The following STRADA variants were observed in gnomAD, a reference collection of about 807,000 sequenced individuals.
STRADA encodes STE20 related adaptor alpha, also known as STE20-related kinase adapter protein alpha.
STRADA carries 26 observed loss-of-function variants against 55.0 expected under a neutral mutation model. That is an observed-to-expected ratio of 0.47 (90% CI 0.35 to 0.66). The LOEUF is 0.66. STRADA is among the 30% of genes least tolerant of loss of function. The pLI is 0.01. For missense variants in STRADA, 443 were observed against 549.7 expected, an observed-to-expected ratio of 0.81 and a Z score of 1.94; for synonymous variants, 197 against 210.9, an observed-to-expected ratio of 0.93 and a Z score of 0.57.
intron 11 of STRADA, 133 bp from the exon 12 acceptor site, chr17:63,704,180 C>A: frequency 6.6e-7 from 1 of 1,520,418 alleles, no homozygotes. Context: ...GGCCAGAGCT[C>A]CCCAGGCTGG....
intron 1 of STRADA, among the ~76,000 whole-genome samples, chr17:63,729,743 C>T (rs1177276470): frequency 1.3e-5 from 2 of 151,442 alleles, no homozygotes; most frequent in South Asian, 2.1e-4. Context: ...GAGCCAAGGT[C>T]GCGCCACTGC....
intron 3 of STRADA, chr17:63,723,997 C>T (rs1373779791): frequency 6.6e-6 from 1 of 152,092 alleles, no homozygotes; most frequent in East Asian, 1.9e-4. Context: ...ATAAAAATCA[C>T]CAAACTGAAG....
At chr17:63,728,813 A>C in intron 1 of STRADA, among the ~76,000 whole-genome samples, 1 of 149,688 alleles carries the variant, frequency 6.7e-6, no homozygotes. Context: ...AATCGTTTGA[A>C]CCCAGGAGAT....
intron 12 of STRADA, 43 bp downstream of exon 12, chr17:63,703,962 A>T: frequency 6.2e-7 from 1 of 1,600,978 alleles, no homozygotes; most frequent in South Asian, 1.1e-5. Flanking sequence ...GAGTTGTTAG[A>T]ACCAGAACTA....
At position 63,713,427 on chromosome 17, in the gene STRADA, A is replaced by G. The variant is rs202037965; in HGVS notation, c.327T>C (p.Asn109=). 6 of 1,607,322 alleles carry G rather than the reference A, an allele frequency of 3.7e-6. No homozygotes were observed. The highest frequency in any genetic ancestry group is 2.2e-5 in the East Asian group (1 of 44,748). Residue 109 remains asparagine, a synonymous_variant, in exon 6 of 13, where the codon AAT becomes AAC. Coordinates refer to ENST00000336174, the MANE Select transcript of STRADA (RefSeq NM_001003787.4). ...VRRINLEACS[N]EMVTFLQGEL... ...TTACCTGCAAGAATGTTACCATCTC[A>G]TTGGAACAAGCTTCTAGGTTAATCC...
chr17:63,738,795 T>C (rs1213806045), intron 1 of STRADA, among the ~76,000 whole-genome samples: 1 of 151,552 alleles, frequency 6.6e-6, no homozygotes. Context: ...ATTGTGCTAC[T>C]GCACTCCAGC....
Position 63,706,618 on chromosome 17 carries a change from A to G in STRADA, c.858+17T>C. The stretch of plus-strand genomic sequence containing the variant: ...AGGCAAGCAGGCAAGAAGGAAACCG[A>G]TGGGCGGCAGGCTTACCTGGGTGGC... On this transcript the variant is annotated intron_variant, in intron 10 of 12. Transcript: ENST00000336174. 1 of 1,601,654 alleles carries G rather than the reference A, an allele frequency of 6.2e-7. No homozygotes were observed. Among genetic ancestry groups the G allele is most frequent in the Non-Finnish European group, 8.5e-7 (1 of 1,170,868 alleles).
At chr17:63,708,608 C>T (rs2036276643) in intron 8 of STRADA, among the ~76,000 whole-genome samples, 1 of 152,250 alleles carries the variant, frequency 6.6e-6, no homozygotes, top group Admixed American at 6.5e-5. Flanking sequence ...GATCTCAGCT[C>T]ACTGCAGCCT....
intron 1 of STRADA, among the ~76,000 whole-genome samples, chr17:63,733,490 A>T (rs563304794): frequency 1.6e-4 from 24 of 152,232 alleles, no homozygotes; most frequent in Non-Finnish European, 3.2e-4. Flanking sequence ...ACAATCTTCA[A>T]CCCACTCCCA....
chr17:63,720,053 ACT>A (rs2037186286), intron 4 of STRADA, among the ~76,000 whole-genome samples: 1 of 150,192 alleles, frequency 6.7e-6, no homozygotes, highest in Non-Finnish European at 1.5e-5. Flanking sequence ...ACAGGGTCTC[ACT>A]CTGTCACCCA....
chr17:63,739,868 G>A (rs985436720), intron 1 of STRADA, among the ~76,000 whole-genome samples: 8 of 127,866 alleles, frequency 6.3e-5, no homozygotes, highest in East Asian at 6.1e-4. Context: ...TATATGGCCC[G>A]GGACGGCTGC....
intron 4 of STRADA, among the ~76,000 whole-genome samples, chr17:63,720,452 G>A (rs1429008869): frequency 1.3e-5 from 2 of 151,922 alleles, no homozygotes; most frequent in Non-Finnish European, 2.9e-5. Flanking sequence ...GTTTACAGGT[G>A]TGAGCCACCA....
At chr17:63,704,133 G>T in intron 11 of STRADA, 86 bp from the exon 12 acceptor site, 1 of 1,564,360 alleles carries the variant, frequency 6.4e-7, no homozygotes, top group South Asian at 1.2e-5. Flanking sequence ...TCAGCCTCGG[G>T]TCCCCTCTCC....
At chr17:63,738,338 C>A (rs112254847) in intron 1 of STRADA, among the ~76,000 whole-genome samples, 1,271 of 91,642 alleles carry the variant, frequency 0.014, 21 homozygotes, top group African/African-American at 0.061. Context: ...GAGACTCCGA[C>A]TCAAAAAAAA....
In STRADA at chr17:63,713,480, G is replaced by C. The variant is rs1034960843; in HGVS notation, c.274C>G (p.Pro92Ala). ...CGTACAGTCACGTACTCTCCTGTTGGTTTGTACCTTGCTAGATTCACAGTC... is the reference window on the plus strand; with the variant it reads ...CGTACAGTCACGTACTCTCCTGTTGCTTTGTACCTTGCTAGATTCACAGTC... ...LMTVNLARYK[P>A]TGEYVTVRRI... The change falls in exon 6 of 13, where the codon CCA becomes GCA. Residue 92 changes from proline to alanine, a missense_variant. Transcript: ENST00000336174. 1.2e-6 allele frequency: 2 copies of C among 1,614,106 alleles called. No individual in the cohort carries two copies. The highest frequency in any genetic ancestry group is 1.7e-6 in the Non-Finnish European group (2 of 1,180,010).
intron 2 of STRADA, 121 bp from the exon 3 acceptor site, chr17:63,726,816 G>A: frequency 1.1e-6 from 1 of 934,070 alleles, no homozygotes; most frequent in South Asian, 1.6e-5. Flanking sequence ...AGTACAGTTA[G>A]GAATCATTTC....
intron 4 of STRADA, among the ~76,000 whole-genome samples, 186 bp downstream of exon 4, chr17:63,723,112 A>G (rs2037419469): frequency 6.6e-6 from 1 of 152,184 alleles, no homozygotes; most frequent in Non-Finnish European, 1.5e-5. Flanking sequence ...TCAGTTTTCA[A>G]ACTACACATC....
intron 1 of STRADA, among the ~76,000 whole-genome samples, chr17:63,737,171 C>T (rs912854078): frequency 7.2e-6 from 1 of 139,034 alleles, no homozygotes; most frequent in Non-Finnish European, 1.5e-5. Flanking sequence ...ATCGCTTGAA[C>T]CTGGGAGGCG....
At chr17:63,716,667 G>A (rs886755032) in intron 4 of STRADA, among the ~76,000 whole-genome samples, 4 of 152,092 alleles carry the variant, frequency 2.6e-5, no homozygotes, top group African/African-American at 4.8e-5. Flanking sequence ...AAGTTTCCAT[G>A]TCCAGTGAAG....
Sources: allele counts gnomAD v4.1 joint callset (sites outside exome capture counted in the v4.1 genomes callset), GRCh38; gene constraint gnomAD v4.1.1; transcripts MANE v1.5; gene names NCBI Gene and HGNC (gene_info 2026-07-23, HGNC 2026-07-21).